The following KIF20B variants were observed in gnomAD, a reference collection of about 807,000 sequenced individuals.
KIF20B encodes kinesin family member 20B.
A neutral mutation model predicts 232.5 loss-of-function variants in KIF20B; 188 were observed. That is an observed-to-expected ratio of 0.81 (90% CI 0.72 to 0.91). The LOEUF is 0.91. Among genes scored for constraint, KIF20B ranks in the 40% least tolerant of loss-of-function variants. The probability of loss-of-function intolerance (pLI) is 0.00; values close to 1 mark genes in which losing one functional copy is unlikely to be tolerated. For synonymous variants in KIF20B, 712 were observed against 683.0 expected (o/e 1.04, Z -0.66); for missense variants, 2,154 against 2,055.9 (o/e 1.05, Z -0.92).
intron 7 of KIF20B, 84 bp downstream of exon 7, chr10:89,714,167 A>G: frequency 2.6e-6 from 2 of 772,794 alleles, no homozygotes; most frequent in East Asian, 3.3e-5. Flanking sequence ...AATCACTTCT[A>G]ATGTTTTATT....
rs536252406 is a variant in KIF20B at position 89,751,958 on chromosome 10, C to T, written c.4222+487C>T. Among the ~76,000 whole-genome samples, 15 of 151,824 alleles carry T rather than the reference C, an allele frequency of 9.9e-5. No individual in the cohort carries two copies. In the South Asian group the frequency reaches 3.1e-3, roughly 32 times the overall value. On this transcript the variant is annotated intron_variant, in intron 24 of 32. Coordinates refer to ENST00000371728, the MANE Select transcript of KIF20B (RefSeq NM_001284259.2). Reference sequence around the variant, plus strand: ...AATTTAGAATTAAGAAATTGTCTAGCCATTTTATATATAACCTTGGCAGGG... The same window carrying T: ...AATTTAGAATTAAGAAATTGTCTAGTCATTTTATATATAACCTTGGCAGGG...
chr10:89,760,852 T>C (rs3740036), intron 28 of KIF20B, among the ~76,000 whole-genome samples: 46,979 of 152,056 alleles, frequency 0.31, 8,169 homozygotes, highest in African/African-American at 0.46. Flanking sequence ...AGCAGTAGAT[T>C]TGTTAATAGA....
chr10:89,753,145 TTG>T (rs1053045698), intron 25 of KIF20B, among the ~76,000 whole-genome samples: 14 of 152,258 alleles, frequency 9.2e-5, no homozygotes, highest in African/African-American at 2.4e-4. Context: ...GTATTCTATT[TTG>T]TGTGTGTGTG....
intron 18 of KIF20B, among the ~76,000 whole-genome samples, chr10:89,731,460 C>T (rs1024625357): frequency 1.3e-5 from 2 of 152,140 alleles, no homozygotes; most frequent in African/African-American, 4.8e-5. Flanking sequence ...TAGTTTGGAA[C>T]TTACCTAATT....
chr10:89,771,190 C>T (rs1448566732), intron 31 of KIF20B, among the ~76,000 whole-genome samples: 2 of 152,054 alleles, frequency 1.3e-5, no homozygotes, highest in East Asian at 3.9e-4. Flanking sequence ...CCTGTCACTA[C>T]CCCTCATCCC....
At chr10:89,724,859 C>T (rs1424917039) in intron 14 of KIF20B, among the ~76,000 whole-genome samples, 161 bp from the exon 15 acceptor site, 2 of 152,178 alleles carry the variant, frequency 1.3e-5, no homozygotes, top group South Asian at 2.1e-4. Flanking sequence ...AAGTGATCCA[C>T]CCGCCTCCGC....
intron 29 of KIF20B, chr10:89,766,533 C>T (rs2133175050): frequency 6.6e-6 from 1 of 152,234 alleles, no homozygotes; most frequent in South Asian, 2.1e-4. Context: ...GTGAAGAATG[C>T]AGAAGCCTCA....
Position 89,751,337 on chromosome 10 carries a change from G to A in KIF20B, c.4097-9G>A, listed in dbSNP as rs745922183. On this transcript the variant is annotated splice_polypyrimidine_tract_variant and intron_variant, in intron 23 of 32. Coordinates refer to ENST00000371728, the MANE Select transcript of KIF20B (RefSeq NM_001284259.2). ...ATTAATTTCTAAAATGTTCTCCCCC[G>A]ATTTTTAGATCTAAATGTTAAAGAG... The A allele has an allele frequency of 7.6e-6, 12 of 1,584,332 alleles. No individual in the cohort carries two copies. In the South Asian group the frequency reaches 9.6e-5, roughly 13 times the overall value.
intron 15 of KIF20B, 67 bp from the exon 16 acceptor site, chr10:89,726,226 G>C: frequency 7.2e-7 from 1 of 1,384,696 alleles, no homozygotes; most frequent in Non-Finnish European, 9.4e-7. Context: ...GTCTAAATTA[G>C]ATGGTACCAC....
At position 89,737,635 on chromosome 10, in the gene KIF20B, G is replaced by A. The variant is rs756914916; in HGVS notation, c.2794G>A (p.Glu932Lys). The A allele has an allele frequency of 6.2e-7, 1 of 1,609,908 alleles. No homozygotes were observed. Among genetic ancestry groups the A allele is most frequent in the Non-Finnish European group, 8.5e-7 (1 of 1,177,738 alleles). ...AAAAAAGAATTTAACTTTAAGTAAAGAGGTCCAACAAATTCAGTCAAATTA... is the reference window on the plus strand; with the variant it reads ...AAAAAAGAATTTAACTTTAAGTAAAAAGGTCCAACAAATTCAGTCAAATTA... ...SEKKNLTLSK[E>K]VQQIQSNYDI... Residue 932 changes from glutamate (E) to lysine (K), a missense_variant, in exon 20 of 33, where the codon GAG becomes AAG. By Grantham distance (56) the Glu-to-Lys change is moderately conservative. Coordinates refer to ENST00000371728, the MANE Select transcript of KIF20B (RefSeq NM_001284259.2).
Position 89,764,429 on chromosome 10 carries a change from G to A in KIF20B, c.4989+1594G>A, listed in dbSNP as rs568067854. The stretch of plus-strand genomic sequence containing the variant: ...ATATACCCAGTAATGGGATAGCTGA[G>A]TCAAATGGTATTTCTAGTTCTAGAT... On this transcript the variant is annotated intron_variant, in intron 29 of 32. Transcript: ENST00000371728. Among the ~76,000 whole-genome samples the A allele has an allele frequency of 1.4e-4, 21 of 152,286 alleles. No individual in the cohort carries two copies. In the South Asian group the frequency reaches 3.9e-3, roughly 29 times the overall value.
At position 89,738,247 on chromosome 10, in the gene KIF20B, G is replaced by A. The variant is rs141950040; in HGVS notation, c.3406G>A (p.Asp1136Asn). The A allele has an allele frequency of 2.1e-4, 340 of 1,606,974 alleles. No individual in the cohort carries two copies. The highest frequency in any genetic ancestry group is 2.8e-4 in the Non-Finnish European group (330 of 1,178,440). The part of the protein sequence containing the change: ...EELQEKNVTL[D>N]VQIQHVVEGK... ...ATTGCAAGAAAAAAATGTTACTCTT[G>A]ATGTTCAAATACAGCATGTAGTTGA... Residue 1136 changes from aspartate to asparagine, a missense_variant, in exon 20 of 33, where the codon GAT becomes AAT. Coordinates refer to ENST00000371728, the MANE Select transcript of KIF20B (RefSeq NM_001284259.2).
chr10:89,728,084 T>A (rs1368928670), intron 17 of KIF20B, among the ~76,000 whole-genome samples, 188 bp downstream of exon 17: 1 of 152,162 alleles, frequency 6.6e-6, no homozygotes, highest in Non-Finnish European at 1.5e-5. Context: ...TATTTCAACT[T>A]GTATTTATCC....
chr10:89,716,371 G>GATT (rs1276010817), intron 8 of KIF20B, 65 bp from the exon 9 acceptor site: 60 of 705,646 alleles, frequency 8.5e-5, no homozygotes, highest in Non-Finnish European at 1.3e-4. Flanking sequence ...CTTTCAAAGA[G>GATT]ATTACATTGT....
chr10:89,719,214 A>G (rs1202042909), intron 12 of KIF20B, among the ~76,000 whole-genome samples: 1 of 152,054 alleles, frequency 6.6e-6, no homozygotes, highest in Non-Finnish European at 1.5e-5. Context: ...AGGAAGATAG[A>G]TTTTTCCTCT....
At chr10:89,762,883 A>T (rs1340417908) in intron 29 of KIF20B, 48 bp downstream of exon 29, 10 of 1,371,180 alleles carry the variant, frequency 7.3e-6, no homozygotes, top group Non-Finnish European at 1.0e-5. Flanking sequence ...TCTTATTATA[A>T]AGCTGTTATA....
At chr10:89,753,851 C>T (rs1842069315) in intron 25 of KIF20B, among the ~76,000 whole-genome samples, 1 of 152,138 alleles carries the variant, frequency 6.6e-6, no homozygotes, top group African/African-American at 2.4e-5. Flanking sequence ...ATCTCCTGAC[C>T]TCGTGATCCG....
chr10:89,716,679 T>C, intron 9 of KIF20B, 132 bp downstream of exon 9: 1 of 623,940 alleles, frequency 1.6e-6, no homozygotes, highest in East Asian at 2.9e-5. Context: ...TAAAAAACAT[T>C]TGGTATACAG....
intron 29 of KIF20B, among the ~76,000 whole-genome samples, chr10:89,764,638 G>T (rs1193508787): frequency 6.6e-6 from 1 of 152,046 alleles, no homozygotes; most frequent in Admixed American, 6.6e-5. Context: ...GCATTTCTCT[G>T]ATGGCCAGTG....
Sources: gnomAD v4.1 joint callset for allele counts (sites outside exome capture counted in the v4.1 genomes callset) on GRCh38, gnomAD v4.1.1 for gene constraint, MANE v1.5 for transcripts, NCBI Gene and HGNC (gene_info 2026-07-23, HGNC 2026-07-21) for gene names.